The following DNAJC7 variants were observed in gnomAD, a reference collection of about 807,000 sequenced individuals.
The protein encoded by DNAJC7 is dnaJ homolog subfamily C member 7.
A neutral mutation model predicts 67.4 loss-of-function variants in DNAJC7; 18 were observed. The observed-to-expected ratio is 0.27, with a 90% CI of 0.18 to 0.40. DNAJC7 has a LOEUF of 0.40. Ranked by LOEUF, DNAJC7 falls within the 10% of genes least tolerant of loss-of-function variation. DNAJC7 has a pLI of 1.00. For missense variants in DNAJC7, 419 were observed against 613.8 expected (o/e 0.68, Z 3.35); for synonymous variants, 220 against 207.8 (o/e 1.06, Z -0.50).
At chr17:42,000,163 G>A (rs1365043610) in intron 2 of DNAJC7, among the ~76,000 whole-genome samples, 1 of 148,240 alleles carries the variant, frequency 6.7e-6, no homozygotes, top group African/African-American at 2.5e-5. Flanking sequence ...TTGTTGCCCA[G>A]GTTGGAGTGC....
chr17:41,994,767 T>C, intron 5 of DNAJC7, 103 bp downstream of exon 5: 1 of 933,552 alleles, frequency 1.1e-6, no homozygotes, highest in South Asian at 1.5e-5. Flanking sequence ...TTTACTATTC[T>C]AGAGCTTTTG....
intron 1 of DNAJC7, among the ~76,000 whole-genome samples, chr17:42,001,497 T>C (rs1229718191): frequency 2.0e-5 from 3 of 152,226 alleles, no homozygotes; most frequent in Admixed American, 2.0e-4. Flanking sequence ...TTAAAAGAAC[T>C]AGTAACCTCT....
In DNAJC7 at chr17:41,976,846, G is replaced by A. The variant is rs1322341413; in HGVS notation, c.1448-76C>T. 3 of 1,553,552 alleles carry A rather than the reference G, an allele frequency of 1.9e-6. No homozygotes were observed. In the African/African-American group the frequency reaches 4.2e-5, roughly 22 times the overall value. On this transcript the variant is annotated intron_variant, in intron 13 of 13. Coordinates refer to ENST00000457167, the MANE Select transcript of DNAJC7 (RefSeq NM_003315.4). ...ATCACTTTGCTCTGATTATGGAAAA[G>A]TCTTCAAGGGCTGCTTCAAACTCAA...
intron 3 of DNAJC7, 142 bp downstream of exon 3, chr17:41,996,973 C>T (rs958461627): frequency 3.0e-6 from 4 of 1,313,952 alleles, no homozygotes; most frequent in Non-Finnish European, 4.1e-6. Context: ...TGCTAAACAA[C>T]CCACAGTGCA....
intron 9 of DNAJC7, 132 bp from the exon 10 acceptor site, chr17:41,983,768 C>G (rs2051308264): frequency 1.5e-6 from 1 of 675,214 alleles, no homozygotes; most frequent in Admixed American, 3.3e-5. Flanking sequence ...AAACAGGAGC[C>G]CTTAATCTAG....
chr17:41,976,984 A>C (rs1598109832), intron 13 of DNAJC7: 1 of 652,906 alleles, frequency 1.5e-6, no homozygotes, highest in East Asian at 2.7e-5. Flanking sequence ...TTATCTATAT[A>C]GTACCTTTGC....
In DNAJC7 at chr17:41,983,508, T is replaced by A. The variant is rs1255182712; in HGVS notation, c.1084+55A>T. 2.7e-6 allele frequency: 4 copies of A among 1,461,602 alleles called. No individual in the cohort carries two copies. The African/African-American group carries it at 5.6e-5, about 21-fold the overall frequency. 90.5% of individuals were successfully genotyped at this position (1,461,602 alleles called of 1,614,324 possible). On this transcript the variant is annotated intron_variant, in intron 10 of 13. Coordinates refer to ENST00000457167, the MANE Select transcript of DNAJC7 (RefSeq NM_003315.4). Reference sequence around the variant, plus strand: ...GAATCAAACTACCTTGTGTACAGATTTATGGCCTACGAAGTCCACACAGTT... The same window carrying A: ...GAATCAAACTACCTTGTGTACAGATATATGGCCTACGAAGTCCACACAGTT...
At chr17:42,005,937 T>G (rs562346243) in intron 1 of DNAJC7, among the ~76,000 whole-genome samples, 100 of 148,842 alleles carry the variant, frequency 6.7e-4, no homozygotes, top group African/African-American at 1.8e-3. Context: ...CTTTATTTAT[T>G]TATTTATTTA....
chr17:41,986,527 C>G (rs1350980458), intron 9 of DNAJC7, among the ~76,000 whole-genome samples: 2 of 150,362 alleles, frequency 1.3e-5, no homozygotes, highest in East Asian at 1.9e-4. Flanking sequence ...ATTCTCCCCC[C>G]GCCTTTTTTT....
intron 10 of DNAJC7, among the ~76,000 whole-genome samples, chr17:41,983,291 T>G (rs1481641583): frequency 3.3e-5 from 5 of 152,038 alleles, no homozygotes; most frequent in African/African-American, 1.2e-4. Context: ...TACCCACAAT[T>G]TTTTGTATTT....
rs1264680243 is a variant in DNAJC7 at position 41,997,237 on chromosome 17, T to C, written c.169A>G (p.Met57Val). 6.2e-6 allele frequency: 10 copies of C among 1,613,128 alleles called. No individual in the cohort carries two copies. Among genetic ancestry groups the C allele is most frequent in the Non-Finnish European group, 8.5e-6 (10 of 1,179,568 alleles). Residue 57 changes from methionine (M) to valine (V), a missense_variant and splice_region_variant, in exon 3 of 14, where the codon ATG becomes GTG. Physicochemically the swap from Met to Val is conservative, Grantham distance 21 (BLOSUM62 1). Around this residue, in one of 4 missense-constraint regions of DNAJC7, gnomAD observed 179 missense variants for 249.7 expected, o/e 0.72. Transcript: ENST00000457167. ...AYNYYTKAIDMCPKNASYYGN... is the reference protein window; with the variant it reads ...AYNYYTKAIDVCPKNASYYGN... ...TAATAGCTAGCATTTTTAGGACACA[T>C]ATCTATAGGAAAGGCAGAAGAACGT... is the stretch of plus-strand genomic sequence containing the variant.
intron 9 of DNAJC7, chr17:41,984,577 G>T (rs1555646495): frequency 6.6e-6 from 1 of 152,228 alleles, no homozygotes; most frequent in Non-Finnish European, 1.5e-5. Context: ...AGAGTGTTGG[G>T]ATTATAGGCG....
intron 2 of DNAJC7, 107 bp from the exon 3 acceptor site, chr17:41,997,346 T>A: frequency 7.0e-7 from 1 of 1,433,398 alleles, no homozygotes; most frequent in Non-Finnish European, 9.3e-7. Flanking sequence ...CCCAGTACTT[T>A]GGGAGGCCAA....
intron 6 of DNAJC7, 124 bp downstream of exon 6, chr17:41,990,140 C>T (rs2051476586): frequency 3.4e-6 from 3 of 888,478 alleles, no homozygotes; most frequent in Non-Finnish European, 3.5e-6. Flanking sequence ...GACTTTAAGT[C>T]CCAAGAGGGT....
chr17:41,977,431 G>A (rs907311933), intron 12 of DNAJC7, 108 bp from the exon 13 acceptor site: 2 of 1,000,356 alleles, frequency 2.0e-6, no homozygotes, highest in Non-Finnish European at 3.0e-6. Flanking sequence ...TTCCTGGAGA[G>A]TCTCACTCCC....
chr17:42,012,932 G>A (rs11654626), intron 1 of DNAJC7: 28,870 of 152,120 alleles, frequency 0.19, 3,579 homozygotes, highest in East Asian at 0.38. Flanking sequence ...AAGTAGCAGG[G>A]CCTACAGGTA....
chr17:42,010,815 A>G (rs2052097106), intron 1 of DNAJC7, among the ~76,000 whole-genome samples: 1 of 152,200 alleles, frequency 6.6e-6, no homozygotes, highest in Admixed American at 6.5e-5. Flanking sequence ...TGTAAGTCAC[A>G]TGCCAATAGA....
At chr17:42,000,427 TTAA>T in intron 2 of DNAJC7, 52 bp downstream of exon 2, 3 of 1,422,468 alleles carry the variant, frequency 2.1e-6, no homozygotes, top group Non-Finnish European at 2.0e-6. Flanking sequence ...GCAGCTACTT[TTAA>T]TAATATTTGG....
intron 1 of DNAJC7, chr17:42,016,041 T>C (rs1037532778): frequency 6.6e-6 from 1 of 152,188 alleles, no homozygotes; most frequent in Admixed American, 6.5e-5. Context: ...GCTTTAAATA[T>C]CTAGGAAGAA....
Sources: gnomAD v4.1 joint callset for allele counts (sites outside exome capture counted in the v4.1 genomes callset) on GRCh38, gnomAD v4.1.1 for gene constraint, gnomAD v4.1.1 regional missense constraint, MANE v1.5 for transcripts, NCBI Gene and HGNC (gene_info 2026-07-23, HGNC 2026-07-21) for gene names.